Variants in CELF2 observed in about 807,000 individuals in gnomAD.
The protein encoded by CELF2 is CUG triplet repeat RNA-binding protein 2.
In CELF2, 8 loss-of-function variants were observed where a neutral mutation model predicts 62.6. That is an observed-to-expected ratio of 0.13 (90% CI 0.07 to 0.23). CELF2 has a LOEUF of 0.23. CELF2 is among the 10% of genes least tolerant of loss of function. CELF2 has a pLI of 1.00. For missense variants in CELF2, 333 were observed against 671.0 expected, an observed-to-expected ratio of 0.50 and a Z score of 5.56; for synonymous variants, 258 against 250.0, an observed-to-expected ratio of 1.03 and a Z score of -0.30.
Position 10,828,388 on chromosome 10 carries a change from C to T in CELF2, c.53+29571C>T, listed in dbSNP as rs76301680. Among the ~76,000 whole-genome samples the T allele has an allele frequency of 6.4e-3, 971 of 152,206 alleles. 9 individuals are homozygous for T. The highest frequency in any genetic ancestry group is 0.023 in the African/African-American group (937 of 41,526). On this transcript the variant is annotated intron_variant, in intron 1 of 13. Transcript: ENST00000636488. The stretch of plus-strand genomic sequence containing the variant: ...ACACGGATGGACCTTATGAGCATTA[C>T]GGTGAGTGAAAGAAGCCAGTCAATA...
intron 2 of CELF2, among the ~76,000 whole-genome samples, chr10:10,954,211 TTTATTATTA>T (rs148582483): frequency 0.26 from 36,215 of 137,030 alleles, 5,164 homozygotes; most frequent in Admixed American, 0.33. Flanking sequence ...TGGCAATTTA[TTTATTATTA>T]TTATTATTAT....
Position 11,211,105 on chromosome 10 carries a change from A to G in CELF2, c.272-6320A>G, listed in dbSNP as rs868137715. On this transcript the variant is annotated intron_variant, in intron 2 of 12. Coordinates refer to ENST00000633077, the MANE Select transcript of CELF2 (RefSeq NM_001326342.2). This position sits in a 1 kb window ranked among gnomAD's most constrained non-coding sequence, Gnocchi z 4.8. ...AAGCCTGAGCTATGTAGCAAGACCC[A>G]GTCTCTACTAAATAATTTAAAAATT... Among the ~76,000 whole-genome samples, 39 of 152,332 alleles carry G rather than the reference A, an allele frequency of 2.6e-4. No individual in the cohort carries two copies. The highest frequency in any genetic ancestry group is 1.2e-3 in the Admixed American group (19 of 15,304).
intron 8 of CELF2, among the ~76,000 whole-genome samples, chr10:11,281,594 C>A (rs1157928262): frequency 6.6e-6 from 1 of 152,140 alleles, no homozygotes; most frequent in African/African-American, 2.4e-5. Context: ...AAACCCCTTT[C>A]CTACAAAAGT....
the CELF2 span, among the ~76,000 whole-genome samples, chr10:10,669,262 T>C: frequency 2.0e-5 from 3 of 152,236 alleles, no homozygotes; most frequent in South Asian, 2.1e-4. Context: ...ATCTGAAAGA[T>C]TGGTTGTATA....
the CELF2 span, among the ~76,000 whole-genome samples, chr10:10,521,633 G>A: frequency 2.0e-5 from 3 of 152,080 alleles, no homozygotes; most frequent in African/African-American, 7.2e-5. Flanking sequence ...CATGTAACTC[G>A]TCTGAAGTGG....
chr10:10,641,471 G>T, the CELF2 span, among the ~76,000 whole-genome samples: 2 of 151,848 alleles, frequency 1.3e-5, no homozygotes, highest in Non-Finnish European at 2.9e-5. Context: ...ACAAAGTTTT[G>T]TTCTTCTTGT....
chr10:10,570,022 A>G, the CELF2 span, among the ~76,000 whole-genome samples: 7 of 152,096 alleles, frequency 4.6e-5, no homozygotes, highest in Admixed American at 1.3e-4. Context: ...TGGCTTCCCA[A>G]CCTCTCTAGA....
At chr10:10,747,436 A>G in the CELF2 span, among the ~76,000 whole-genome samples, 2 of 152,146 alleles carry the variant, frequency 1.3e-5, no homozygotes, top group Non-Finnish European at 2.9e-5. Flanking sequence ...AAGTGCAACG[A>G]AGGAAAGGGG....
intron 1 of CELF2, among the ~76,000 whole-genome samples, chr10:10,889,705 G>T (rs906403629): frequency 6.6e-6 from 1 of 152,200 alleles, no homozygotes; most frequent in Non-Finnish European, 1.5e-5. Flanking sequence ...TCTGCCACCT[G>T]CAAGCATATA....
In CELF2 at chr10:10,971,508, T is replaced by C. The variant is rs74393308; in HGVS notation, c.89+51509T>C. The stretch of plus-strand genomic sequence containing the variant: ...CACCCTAGTTACCAGCCTATGTGCC[T>C]GTCCTTCCTTTCAAACCCAAGTTTC... On this transcript the variant is annotated intron_variant, in intron 2 of 13. Transcript: ENST00000636488. 4.6e-3 allele frequency among the ~76,000 whole-genome samples: 703 copies of C among 152,346 alleles called. 14 individuals carry two copies. The highest frequency in any genetic ancestry group is 0.023 in the East Asian group (122 of 5,192).
chr10:11,289,102 A>G (rs545311547), intron 9 of CELF2, among the ~76,000 whole-genome samples: 88 of 152,332 alleles, frequency 5.8e-4, no homozygotes, highest in African/African-American at 2.0e-3. Context: ...TTGTTGTTCA[A>G]AAGCAGATGC....
At chr10:10,817,105 G>A (rs993653463) in intron 1 of CELF2, among the ~76,000 whole-genome samples, 19 of 152,122 alleles carry the variant, frequency 1.2e-4, no homozygotes, top group African/African-American at 4.6e-4. Flanking sequence ...GAGGACTGAT[G>A]TTTTACATGG....
chr10:10,917,247 C>A (rs2134574109), intron 1 of CELF2, among the ~76,000 whole-genome samples: 1 of 152,216 alleles, frequency 6.6e-6, no homozygotes, highest in African/African-American at 2.4e-5. Context: ...CTGTGTTTTC[C>A]CTTGTGAGTG....
At chr10:10,591,759 G>A in the CELF2 span, among the ~76,000 whole-genome samples, 2 of 152,278 alleles carry the variant, frequency 1.3e-5, no homozygotes, top group South Asian at 2.1e-4. Flanking sequence ...GCCACTCAGC[G>A]TCCACCGCCA....
At chr10:10,536,240 G>C in the CELF2 span, among the ~76,000 whole-genome samples, 1 of 151,984 alleles carries the variant, frequency 6.6e-6, no homozygotes, top group South Asian at 2.1e-4. Context: ...GGATGGTCTC[G>C]ATCTCCTGAC....
At chr10:11,130,864 GT>G (rs2059515167) in intron 1 of CELF2, among the ~76,000 whole-genome samples, 1 of 152,136 alleles carries the variant, frequency 6.6e-6, no homozygotes. Flanking sequence ...TTCATTACTA[GT>G]TTATAATACA....
the CELF2 span, among the ~76,000 whole-genome samples, chr10:10,633,999 T>C: frequency 6.6e-6 from 1 of 152,098 alleles, no homozygotes; most frequent in African/African-American, 2.4e-5. Context: ...ATAGTTATTT[T>C]ATTAAGTGTT....
At chr10:10,501,258 C>T in the CELF2 span, among the ~76,000 whole-genome samples, 1 of 152,158 alleles carries the variant, frequency 6.6e-6, no homozygotes, top group African/African-American at 2.4e-5. Context: ...TGAATCCTTA[C>T]CAGTATTTGA....
At chr10:10,618,413 T>C in the CELF2 span, among the ~76,000 whole-genome samples, 1 of 152,134 alleles carries the variant, frequency 6.6e-6, no homozygotes, top group South Asian at 2.1e-4. Flanking sequence ...CTCAGACTTC[T>C]GGCTTCAGTA....
Sources: allele counts gnomAD v4.1 joint callset (sites outside exome capture counted in the v4.1 genomes callset), GRCh38; gene constraint gnomAD v4.1.1; non-coding constraint Gnocchi (gnomAD v3.1); transcripts MANE v1.5; gene names NCBI Gene and HGNC (gene_info 2026-07-23, HGNC 2026-07-21).